Variants in EFHB observed in about 807,000 individuals in gnomAD.
EFHB encodes EF-hand domain family member B.
EFHB carries 91 observed loss-of-function variants against 87.2 expected under a neutral mutation model. The ratio of observed to expected loss-of-function variants is 1.04; its 90% confidence interval spans 0.88 to 1.24. The LOEUF (loss-of-function observed/expected upper bound fraction) is 1.24, where lower values mean the gene tolerates loss of function less well. EFHB is among the 50% of genes most tolerant of loss of function. EFHB has a pLI of 0.00. For synonymous variants in EFHB, 325 were observed against 333.6 expected (o/e 0.97, Z 0.28); for missense variants, 1,084 against 998.8 (o/e 1.09, Z -1.15).
intron 4 of EFHB, among the ~76,000 whole-genome samples, chr3:19,915,757 TAAAA>T (rs58066421): frequency 1.4e-5 from 2 of 141,344 alleles, no homozygotes. Flanking sequence ...CCATTTCTAC[TAAAA>T]AAAAAAAAAA....
rs372589937 is a variant in EFHB, at chr3:19,929,929, G to C, written c.789+3301C>G. On this transcript the variant is annotated intron_variant, in intron 1 of 12. Coordinates refer to ENST00000295824, the MANE Select transcript of EFHB (RefSeq NM_144715.4). ...CTCAGGCTCTCAAATAGGAATTTGA[G>C]ATTTCAAATCCCACCACTTTTTAGC... 3.0e-4 allele frequency among the ~76,000 whole-genome samples: 46 copies of C among 152,262 alleles called. No individual in the cohort carries two copies. The East Asian group carries it at 7.9e-3, about 26-fold the overall frequency.
chr3:19,941,408 A>C (rs1222295276), intron 1 of EFHB: 1 of 166,290 alleles, frequency 6.0e-6, no homozygotes, highest in Non-Finnish European at 1.3e-5. Flanking sequence ...CAGCTCTCTT[A>C]TTCTCACTGA....
At chr3:19,938,230 A>G (rs1696067077), upstream of EFHB, among the ~76,000 whole-genome samples, 1 of 152,212 alleles carries the variant, frequency 6.6e-6, no homozygotes, top group Non-Finnish European at 1.5e-5. Context: ...TTCTGAGATT[A>G]CGGTAGTGTT....
At chr3:19,914,123 T>C (rs1478105102) in intron 5 of EFHB, among the ~76,000 whole-genome samples, 1 of 152,192 alleles carries the variant, frequency 6.6e-6, no homozygotes, top group Non-Finnish European at 1.5e-5. Flanking sequence ...TTTTAATTTA[T>C]TTTTTGTAGA....
chr3:19,944,195 C>T (rs1167334629), intron 1 of EFHB, among the ~76,000 whole-genome samples: 3 of 152,196 alleles, frequency 2.0e-5, no homozygotes, highest in African/African-American at 7.2e-5. Flanking sequence ...TGTAACCATT[C>T]ATTATCATCT....
intron 1 of EFHB, among the ~76,000 whole-genome samples, chr3:19,924,995 C>T (rs534002440): frequency 4.3e-4 from 65 of 152,198 alleles, no homozygotes; most frequent in African/African-American, 1.6e-3. Flanking sequence ...CCTGTAATCC[C>T]AGCACTTTGG....
intron 6 of EFHB, among the ~76,000 whole-genome samples, chr3:19,902,286 T>C (rs1694697270): frequency 6.6e-6 from 1 of 152,180 alleles, no homozygotes; most frequent in South Asian, 2.1e-4. Flanking sequence ...GATTTGACTT[T>C]GGTTTGATTA....
chr3:19,907,385 T>C (rs1474816713), intron 5 of EFHB, among the ~76,000 whole-genome samples: 3 of 152,148 alleles, frequency 2.0e-5, no homozygotes, highest in Non-Finnish European at 2.9e-5. Flanking sequence ...AGTAAGGACA[T>C]TGTATGGGAA....
Position 19,920,520 on chromosome 3 carries a change from A to G in EFHB, c.837T>C (p.Thr279=), listed in dbSNP as rs1191017134. 5.0e-6 allele frequency: 8 copies of G among 1,603,446 alleles called. No individual in the cohort carries two copies. In the Admixed American group the frequency reaches 1.4e-4, roughly 28 times the overall value. ...PVGYRVATCL[T]EKLPRLITPP... Reference sequence around the variant, plus strand: ...AAGTGCTCACCCTGGGAAGTTTTTCAGTCAAGCAGGTTGCAACTCTGTAAC... The same window carrying G: ...AAGTGCTCACCCTGGGAAGTTTTTCGGTCAAGCAGGTTGCAACTCTGTAAC... Residue 279 remains threonine, a synonymous_variant, in exon 2 of 13, where the codon ACT becomes ACC. Transcript: ENST00000295824.
chr3:19,928,743 C>T (rs1695720618), intron 1 of EFHB, among the ~76,000 whole-genome samples: 1 of 152,072 alleles, frequency 6.6e-6, no homozygotes, highest in Non-Finnish European at 1.5e-5. Flanking sequence ...CCGTGCCCGT[C>T]CAAAAGACAT....
At position 19,896,750 on chromosome 3, in the gene EFHB, G is replaced by A; in HGVS notation, c.1662C>T (p.His554=). The change falls in exon 9 of 13, where the codon CAC becomes CAT. Residue 554 remains histidine, a synonymous_variant. Coordinates refer to ENST00000295824, the MANE Select transcript of EFHB (RefSeq NM_144715.4). ...ACTTTTGGTAATTAACTTTCTTCAG[G>A]TGATGCCGAACTGCTGCAATCAGGG... ...QRALIAAVRH[H]LKKVNYQKFD... 6.2e-7 allele frequency: 1 copy of A among 1,613,966 alleles called. No individual in the cohort carries two copies. Among genetic ancestry groups the A allele is most frequent in the South Asian group, 1.1e-5 (1 of 91,074 alleles).
chr3:19,941,970 C>A lies in EFHB; in HGVS notation c.-32+4949G>T, dbSNP rs557296984. 4.1e-4 allele frequency among the ~76,000 whole-genome samples: 62 copies of A among 151,652 alleles called. 1 individual carries two copies. The highest frequency in any genetic ancestry group is 1.5e-3 in the African/African-American group (60 of 41,278). ...AGGTGTTTGAGACCAGCCTGGCCAA[C>A]ATGGTGAAACCACGTCTCTACTAAA... On this transcript the variant is annotated intron_variant, in intron 1 of 14. Coordinates refer to the EFHB transcript ENST00000344838.
intron 8 of EFHB, among the ~76,000 whole-genome samples, chr3:19,897,692 C>T (rs1168461675): frequency 6.6e-6 from 1 of 152,184 alleles, no homozygotes; most frequent in African/African-American, 2.4e-5. Flanking sequence ...CAGAATTTAC[C>T]ATGATTACCT....
intron 4 of EFHB, among the ~76,000 whole-genome samples, chr3:19,917,140 G>A (rs73188476): frequency 0.039 from 5,885 of 151,810 alleles, 364 homozygotes; most frequent in African/African-American, 0.13. Context: ...GGAGGCCAAG[G>A]TGGGAGAATC....
chr3:19,920,766 C>T (rs73049829), intron 1 of EFHB, among the ~76,000 whole-genome samples, 199 bp from the exon 2 acceptor site: 239 of 152,220 alleles, frequency 1.6e-3, no homozygotes, highest in Admixed American at 2.4e-3. Flanking sequence ...ATATTATAAA[C>T]ATTTATAAAA....
At chr3:19,898,922 G>T (rs1694576386) in intron 7 of EFHB, 77 bp from the exon 8 acceptor site, 13 of 1,409,494 alleles carry the variant, frequency 9.2e-6, no homozygotes, top group Non-Finnish European at 1.3e-5. Flanking sequence ...TTTGCCATAT[G>T]TTCTTAGTAG....
In EFHB at chr3:19,903,592, T is replaced by C. The variant is rs551062260; in HGVS notation, c.1418+2028A>G. ...AATAATAATTAAGAAATATTTATTATGTAAATGCTTCATCCATATCCTAAA... is the reference window on the plus strand; with the variant it reads ...AATAATAATTAAGAAATATTTATTACGTAAATGCTTCATCCATATCCTAAA... On this transcript the variant is annotated intron_variant, in intron 6 of 12. Transcript: ENST00000295824. 2.0e-5 allele frequency among the ~76,000 whole-genome samples: 3 copies of C among 152,262 alleles called. No homozygotes were observed. The South Asian group carries it at 6.2e-4, about 32-fold the overall frequency.
At chr3:19,938,425 T>A (rs1285497491), upstream of EFHB, among the ~76,000 whole-genome samples, 1 of 152,238 alleles carries the variant, frequency 6.6e-6, no homozygotes, top group African/African-American at 2.4e-5. Context: ...CACATGCTCA[T>A]AATTTTGAAA....
At chr3:19,904,914 A>C (rs370847502) in intron 6 of EFHB, among the ~76,000 whole-genome samples, 1 of 152,178 alleles carries the variant, frequency 6.6e-6, no homozygotes, top group African/African-American at 2.4e-5. Context: ...TTTTATGAGC[A>C]ATCTTCCAAA....
Sources: allele counts gnomAD v4.1 joint callset (sites outside exome capture counted in the v4.1 genomes callset), GRCh38; gene constraint gnomAD v4.1.1; transcripts MANE v1.5; gene names NCBI Gene and HGNC (gene_info 2026-07-23, HGNC 2026-07-21).